Variants in ACYP2 observed in about 807,000 individuals in gnomAD.
ACYP2 encodes the protein acylphosphatase-2.
ACYP2 carries 12 observed loss-of-function variants against 11.2 expected under a neutral mutation model. That is an observed-to-expected ratio of 1.08 (90% confidence interval 0.69 to 1.74). The LOEUF is 1.74. ACYP2 is among the 40% of genes most tolerant of loss of function. The pLI, the probability that ACYP2 is intolerant of heterozygous loss-of-function variation, is 0.00. For synonymous variants in ACYP2, 43 were observed against 32.2 expected (o/e 1.33, Z -1.13); for missense variants, 134 against 101.9 (o/e 1.31, Z -1.35).
intron 2 of ACYP2, among the ~76,000 whole-genome samples, chr2:54,033,381 G>T (rs894649590): frequency 3.7e-4 from 53 of 142,852 alleles, no homozygotes; most frequent in African/African-American, 1.3e-3. Flanking sequence ...TGTGTGTTTT[G>T]TTTTTTTTTT....
chr2:54,214,749 A>G (rs1190305496), intron 6 of ACYP2, among the ~76,000 whole-genome samples: 3 of 152,206 alleles, frequency 2.0e-5, no homozygotes, highest in African/African-American at 7.2e-5. Flanking sequence ...TTTTGGTTCC[A>G]TATGAATTTT....
intron 6 of ACYP2, among the ~76,000 whole-genome samples, chr2:54,280,036 C>T (rs549093240): frequency 7.9e-5 from 12 of 152,194 alleles, no homozygotes; most frequent in African/African-American, 2.9e-4. Flanking sequence ...CATTCCTGAC[C>T]AAGACCCACC....
rs931028717 is a variant in ACYP2, at chr2:54,050,946, C to CT, written c.63-5dup. The stretch of plus-strand genomic sequence containing the variant: ...TGCACCCAACTAATTAAATTTTTTT[C>CT]TTTTTTTGTAGATACAAGGTCTCGC... On this transcript the variant is annotated splice_polypyrimidine_tract_variant and intron_variant, in intron 2 of 6. Coordinates refer to ENST00000607452, the MANE Select transcript of ACYP2 (RefSeq NM_001320586.2). The CT allele has an allele frequency of 2.2e-5, 9 of 406,622 alleles. No individual in the cohort carries two copies. Among genetic ancestry groups the CT allele is most frequent in the Admixed American group, 4.3e-5 (1 of 23,336 alleles). 25.2% of individuals were successfully genotyped at this position (406,622 alleles called of 1,614,324 possible). A position where few individuals can be genotyped will look rare whatever the true frequency, so the allele number is the denominator to read the frequency against.
At chr2:54,179,816 T>C (rs1220375124) in intron 6 of ACYP2, among the ~76,000 whole-genome samples, 2 of 152,180 alleles carry the variant, frequency 1.3e-5, no homozygotes, top group African/African-American at 2.4e-5. Flanking sequence ...ACTTAGAATG[T>C]CTTAACTGTC....
chr2:54,115,703 C>G (rs772786853), intron 4 of ACYP2: 2 of 1,612,458 alleles, frequency 1.2e-6, no homozygotes, highest in Admixed American at 3.3e-5. Context: ...GCCGCCATGT[C>G]TACCGCCCAG....
At chr2:54,100,618 C>T (rs1678842658) in intron 4 of ACYP2, among the ~76,000 whole-genome samples, 1 of 152,034 alleles carries the variant, frequency 6.6e-6, no homozygotes, top group South Asian at 2.1e-4. Context: ...CGAGATCCTC[C>T]TTTTTTAATA....
intron 6 of ACYP2, among the ~76,000 whole-genome samples, chr2:54,273,409 A>G (rs1487823223): frequency 6.6e-6 from 1 of 152,212 alleles, no homozygotes; most frequent in Non-Finnish European, 1.5e-5. Flanking sequence ...TAGATTTTGT[A>G]ATTATGGTTT....
intron 6 of ACYP2, among the ~76,000 whole-genome samples, chr2:54,193,011 A>G (rs978951866): frequency 6.6e-6 from 1 of 152,210 alleles, no homozygotes; most frequent in Non-Finnish European, 1.5e-5. Context: ...CACAGAGCCA[A>G]ACCATATCAG....
At chr2:54,121,509 C>T (rs80217276) in intron 4 of ACYP2, among the ~76,000 whole-genome samples, 4,002 of 152,214 alleles carry the variant, frequency 0.026, 158 homozygotes, top group African/African-American at 0.087. Flanking sequence ...TACCATATTT[C>T]TTAAATATTG....
intron 2 of ACYP2, among the ~76,000 whole-genome samples, chr2:53,991,941 C>T (rs543100273): frequency 2.9e-4 from 44 of 152,200 alleles, no homozygotes; most frequent in African/African-American, 9.6e-4. Context: ...GCTAAGACTA[C>T]AGGCACATGA....
chr2:54,091,395 A>G (rs1468810002), intron 4 of ACYP2, among the ~76,000 whole-genome samples: 1 of 152,168 alleles, frequency 6.6e-6, no homozygotes, highest in East Asian at 1.9e-4. Flanking sequence ...GAAGGTAAAT[A>G]ACAAAAGGGC....
At chr2:54,042,014 T>C (rs952017673) in intron 2 of ACYP2, among the ~76,000 whole-genome samples, 2 of 151,568 alleles carry the variant, frequency 1.3e-5, no homozygotes, top group Non-Finnish European at 2.9e-5. Flanking sequence ...TCTTTCTTTT[T>C]TTTTTTTTTT....
intron 2 of ACYP2, among the ~76,000 whole-genome samples, chr2:54,043,403 A>C (rs1438057485): frequency 6.6e-6 from 1 of 152,178 alleles, no homozygotes; most frequent in South Asian, 2.1e-4. Context: ...GCTCAGTGGC[A>C]TTTGGTGGCT....
intron 6 of ACYP2, among the ~76,000 whole-genome samples, chr2:54,201,415 G>T (rs72802616): frequency 0.26 from 39,075 of 151,658 alleles, 5,298 homozygotes; most frequent in South Asian, 0.44. Flanking sequence ...GGTTCTCTTT[G>T]TTTTAATTGT....
At chr2:54,054,001 C>G (rs1471123786) in intron 3 of ACYP2, among the ~76,000 whole-genome samples, 2 of 152,196 alleles carry the variant, frequency 1.3e-5, no homozygotes, top group Non-Finnish European at 2.9e-5. Context: ...CTGGCACAGA[C>G]TCTCTGGGTA....
At chr2:54,017,477 G>C (rs182265616) in intron 2 of ACYP2, among the ~76,000 whole-genome samples, 11 of 151,774 alleles carry the variant, frequency 7.2e-5, no homozygotes, top group Non-Finnish European at 1.3e-4. Context: ...CTGATCTCGA[G>C]CTCCTGACCT....
intron 6 of ACYP2, among the ~76,000 whole-genome samples, chr2:54,146,424 T>C (rs953423328): frequency 2.0e-5 from 3 of 151,186 alleles, no homozygotes; most frequent in East Asian, 3.9e-4. Context: ...AACTTCTGTA[T>C]GGACCTGATC....
intron 4 of ACYP2, among the ~76,000 whole-genome samples, chr2:54,075,220 C>A (rs1677264189): frequency 6.6e-6 from 1 of 152,082 alleles, no homozygotes; most frequent in African/African-American, 2.4e-5. Context: ...CCTAATAGGC[C>A]AGGAACAGTG....
chr2:54,062,509 C>A (rs1676522636), intron 4 of ACYP2, among the ~76,000 whole-genome samples: 1 of 152,096 alleles, frequency 6.6e-6, no homozygotes, highest in South Asian at 2.1e-4. Flanking sequence ...TATAGGATAT[C>A]ATTAACATAT....
Sources: allele counts gnomAD v4.1 joint callset (sites outside exome capture counted in the v4.1 genomes callset), GRCh38; gene constraint gnomAD v4.1.1; transcripts MANE v1.5; gene names NCBI Gene and HGNC (gene_info 2026-07-23, HGNC 2026-07-21).